Variants in EPHB1 observed in about 807,000 individuals in gnomAD.
EPHB1 encodes the protein ephrin type-B receptor 1.
A neutral mutation model predicts 94.4 loss-of-function variants in EPHB1; 30 were observed. The observed-to-expected ratio is 0.32, with a 90% CI of 0.24 to 0.43. The LOEUF (loss-of-function observed/expected upper bound fraction) is 0.43. Ranked by LOEUF, EPHB1 falls within the 20% of genes least tolerant of loss-of-function variation. The pLI, the probability that EPHB1 is intolerant of heterozygous loss-of-function variation, is 1.00. For missense variants in EPHB1, 1,055 were observed against 1,308.3 expected (o/e 0.81, Z 2.99); for synonymous variants, 522 against 489.1 (o/e 1.07, Z -0.89).
intron 3 of EPHB1, among the ~76,000 whole-genome samples, chr3:135,056,960 C>T (rs766437790): frequency 1.7e-4 from 26 of 152,190 alleles, no homozygotes; most frequent in Non-Finnish European, 2.8e-4. Context: ...CACCCACCTA[C>T]GTAGAATGAA....
chr3:135,083,529 G>A (rs1559823120), intron 3 of EPHB1, among the ~76,000 whole-genome samples: 1 of 151,844 alleles, frequency 6.6e-6, no homozygotes. Context: ...ACAGAAGAGA[G>A]GATGAAGGCA....
At chr3:134,810,650 C>T (rs918476860) in intron 1 of EPHB1, among the ~76,000 whole-genome samples, 1 of 152,098 alleles carries the variant, frequency 6.6e-6, no homozygotes, top group African/African-American at 2.4e-5. Flanking sequence ...TTGACAAAGC[C>T]GGGGACTCAG....
intron 1 of EPHB1, among the ~76,000 whole-genome samples, chr3:134,918,876 G>T (rs2038622130): frequency 6.6e-6 from 1 of 152,198 alleles, no homozygotes; most frequent in Admixed American, 6.5e-5. Flanking sequence ...GAAGTTATTA[G>T]GTGGTCAGAG....
At chr3:135,161,987 G>A (rs1369126197) in intron 6 of EPHB1, 31 bp from the exon 7 acceptor site, 2 of 1,585,056 alleles carry the variant, frequency 1.3e-6, no homozygotes, top group African/African-American at 1.3e-5. Flanking sequence ...TCAGGAATGG[G>A]ATAGTGACCC....
rs552545327 is a variant in EPHB1 at position 134,848,876 on chromosome 3, G to A, written c.58+53187G>A. ...TTGGTGGCTTGAGGTTGTTTCTTCAGTGGTAGAACCATGCCCAAAGGCCAG... is the reference window on the plus strand; with the variant it reads ...TTGGTGGCTTGAGGTTGTTTCTTCAATGGTAGAACCATGCCCAAAGGCCAG... On this transcript the variant is annotated intron_variant, in intron 1 of 15. Coordinates refer to ENST00000398015, the MANE Select transcript of EPHB1 (RefSeq NM_004441.5). Among the ~76,000 whole-genome samples, 17 of 152,372 alleles carry A rather than the reference G, an allele frequency of 1.1e-4. No individual in the cohort carries two copies. In the South Asian group the frequency reaches 3.1e-3, roughly 28 times the overall value.
chr3:135,212,943 A>G (rs773078998), intron 12 of EPHB1, among the ~76,000 whole-genome samples: 3 of 152,346 alleles, frequency 2.0e-5, no homozygotes, highest in South Asian at 4.1e-4. Flanking sequence ...CAGCAGTTCT[A>G]TAAGACAGTA....
At chr3:134,966,028 G>A (rs181110961) in intron 3 of EPHB1, among the ~76,000 whole-genome samples, 1 of 152,304 alleles carries the variant, frequency 6.6e-6, no homozygotes, top group East Asian at 1.9e-4. Context: ...GCCACAAAGA[G>A]CTCTGTAGAC....
chr3:135,093,614 C>T (rs538016856), intron 3 of EPHB1, among the ~76,000 whole-genome samples: 6 of 151,632 alleles, frequency 4.0e-5, no homozygotes, highest in East Asian at 1.9e-4. Context: ...CCCAGGTATT[C>T]GGGAAGCTAT....
chr3:135,121,502 T>C (rs186545573), intron 4 of EPHB1, among the ~76,000 whole-genome samples: 3 of 152,298 alleles, frequency 2.0e-5, no homozygotes, highest in Admixed American at 2.0e-4. Flanking sequence ...GTCAATGTCT[T>C]TTCACTTCAA....
intron 15 of EPHB1, among the ~76,000 whole-genome samples, chr3:135,251,016 A>G (rs1199134309): frequency 2.6e-5 from 4 of 151,408 alleles, no homozygotes; most frequent in African/African-American, 9.7e-5. Flanking sequence ...TTTCCTGCCA[A>G]TATTCCTGGA....
chr3:135,179,392 C>T (rs1942086829), intron 9 of EPHB1, among the ~76,000 whole-genome samples: 1 of 152,174 alleles, frequency 6.6e-6, no homozygotes, highest in Non-Finnish European at 1.5e-5. Context: ...CCATCCTCTT[C>T]CCTCTTACAG....
intron 1 of EPHB1, among the ~76,000 whole-genome samples, chr3:134,857,521 G>C (rs553621389): frequency 5.9e-5 from 9 of 152,260 alleles, no homozygotes; most frequent in African/African-American, 2.2e-4. Context: ...AGCTCCTCCT[G>C]TGCAGATTTC....
intron 1 of EPHB1, among the ~76,000 whole-genome samples, chr3:134,820,040 T>C (rs2036351157): frequency 6.6e-6 from 1 of 152,250 alleles, no homozygotes; most frequent in Non-Finnish European, 1.5e-5. Flanking sequence ...GGTGGGGTTC[T>C]GTCCCCTTCC....
intron 4 of EPHB1, among the ~76,000 whole-genome samples, chr3:135,120,924 C>CTCCCCGGGCA (rs1939933186): frequency 6.6e-6 from 1 of 152,128 alleles, no homozygotes; most frequent in Non-Finnish European, 1.5e-5. Flanking sequence ...TGCAGGACTC[C>CTCCCCGGGCA]TCCCCGGGCA....
At chr3:134,823,415 G>A (rs1299018234) in intron 1 of EPHB1, among the ~76,000 whole-genome samples, 5 of 152,184 alleles carry the variant, frequency 3.3e-5, no homozygotes, top group African/African-American at 9.7e-5. Flanking sequence ...CAGGGGTTGT[G>A]CTGAAAAAGC....
At chr3:135,204,328 C>A (rs1559873954) in intron 12 of EPHB1, among the ~76,000 whole-genome samples, 1 of 151,732 alleles carries the variant, frequency 6.6e-6, no homozygotes, top group African/African-American at 2.4e-5. Context: ...CTCAGCCTCC[C>A]AAGTAGCTGG....
intron 5 of EPHB1, among the ~76,000 whole-genome samples, chr3:135,149,007 A>G (rs776059654): frequency 4.6e-5 from 7 of 152,008 alleles, no homozygotes; most frequent in South Asian, 2.1e-4. Context: ...TTGCTCTCCT[A>G]TTTGGGTGCC....
At chr3:134,885,869 G>T (rs78386920) in intron 1 of EPHB1, among the ~76,000 whole-genome samples, 2,389 of 152,246 alleles carry the variant, frequency 0.016, 27 homozygotes, top group Non-Finnish European at 0.024. Flanking sequence ...AGTGTGGTGC[G>T]TGTGAGCCTG....
chr3:134,885,760 A>G (rs80117858), intron 1 of EPHB1, among the ~76,000 whole-genome samples: 152 of 152,334 alleles, frequency 1.0e-3, no homozygotes, highest in African/African-American at 3.5e-3. Flanking sequence ...GGTGGAGGAG[A>G]GAACAAGCAG....
Sources: allele counts gnomAD v4.1 joint callset (sites outside exome capture counted in the v4.1 genomes callset), GRCh38; gene constraint gnomAD v4.1.1; transcripts MANE v1.5; gene names NCBI Gene and HGNC (gene_info 2026-07-23, HGNC 2026-07-21).